Variants in ZNF536 observed in about 807,000 individuals in gnomAD.
ZNF536 encodes the protein zinc finger protein 536.
In ZNF536, 13 loss-of-function variants were observed where a neutral mutation model predicts 84.5. That is an observed-to-expected ratio of 0.15 (90% confidence interval 0.10 to 0.24). The LOEUF (loss-of-function observed/expected upper bound fraction) is 0.24, where lower values mean the gene tolerates loss of function less well. Ranked by LOEUF, ZNF536 falls within the 10% of genes least tolerant of loss-of-function variation. The pLI, the probability that ZNF536 is intolerant of heterozygous loss-of-function variation, is 1.00. For synonymous variants in ZNF536, 811 were observed against 742.5 expected, an observed-to-expected ratio of 1.09 and a Z score of -1.50; for missense variants, 1,536 against 1,747.5, an observed-to-expected ratio of 0.88 and a Z score of 2.16.
chr19:30,335,518 C>A (rs571146477), intron 2 of ZNF536, among the ~76,000 whole-genome samples: 1 of 152,148 alleles, frequency 6.6e-6, no homozygotes, highest in Admixed American at 6.5e-5. Context: ...GCACCAGACA[C>A]GTGTTCAGCA....
At chr19:30,246,923 C>T (rs1170978628) in intron 1 of ZNF536, among the ~76,000 whole-genome samples, 1 of 152,204 alleles carries the variant, frequency 6.6e-6, no homozygotes, top group African/African-American at 2.4e-5. Context: ...AAATTCTCAT[C>T]ATGAATGGGT....
chr19:30,554,730 T>C (rs994709646), intron 4 of ZNF536: 3 of 152,202 alleles, frequency 2.0e-5, no homozygotes, highest in Admixed American at 1.3e-4. Flanking sequence ...ATGATGGCTG[T>C]GGTTGCGTTC....
rs574267998 is a variant in ZNF536, at chr19:30,638,259, T to G, written c.170-72498T>G. ...ATCAGTCGTAAGGACTTTTAAGGTC[T>G]TAACATCTCACACTGCTGTGTTAGT... On this transcript the variant is annotated intron_variant, in intron 1 of 1. Coordinates refer to the ZNF536 transcript ENST00000592773. Among the ~76,000 whole-genome samples, 56 of 152,380 alleles carry G rather than the reference T, an allele frequency of 3.7e-4. No homozygotes were observed. The Middle Eastern group carries it at 0.02, about 56-fold the overall frequency.
chr19:30,602,503 G>A (rs2047725283), intron 1 of ZNF536, among the ~76,000 whole-genome samples: 1 of 152,198 alleles, frequency 6.6e-6, no homozygotes, highest in Non-Finnish European at 1.5e-5. Context: ...ATACCCAAAA[G>A]TCATAACTGG....
At chr19:30,343,592 T>TGACATC in intron 2 of ZNF536, among the ~76,000 whole-genome samples, 1 of 152,164 alleles carries the variant, frequency 6.6e-6, no homozygotes, top group Non-Finnish European at 1.5e-5. Context: ...GAGAACCCTA[T>TGACATC]GACATCCACG....
intron 3 of ZNF536, among the ~76,000 whole-genome samples, chr19:30,365,613 G>A (rs1052492685): frequency 2.0e-5 from 3 of 152,204 alleles, no homozygotes; most frequent in Non-Finnish European, 4.4e-5. Context: ...ACCAGGTCCC[G>A]TGTAGCAAGG....
chr19:30,349,770 C>T (rs1341352535), intron 2 of ZNF536, among the ~76,000 whole-genome samples: 1 of 152,004 alleles, frequency 6.6e-6, no homozygotes, highest in African/African-American at 2.4e-5. Flanking sequence ...GGGCAGCCAG[C>T]AGCATGGCCG....
chr19:30,646,735 A>G (rs1046180431), intron 1 of ZNF536, among the ~76,000 whole-genome samples: 9 of 152,134 alleles, frequency 5.9e-5, no homozygotes, highest in African/African-American at 1.9e-4. Context: ...ATCATATTTC[A>G]ATAAATCCTT....
At chr19:30,482,742 C>T (rs1377351108) in intron 2 of ZNF536, among the ~76,000 whole-genome samples, 1 of 152,204 alleles carries the variant, frequency 6.6e-6, no homozygotes, top group Non-Finnish European at 1.5e-5. Flanking sequence ...CCTCGCTTTC[C>T]AGCCAGCTCA....
chr19:30,366,362 C>CTCTGTCTA (rs2048429317), intron 3 of ZNF536, among the ~76,000 whole-genome samples: 1 of 146,464 alleles, frequency 6.8e-6, no homozygotes, highest in African/African-American at 2.6e-5. Flanking sequence ...CCTATCATAT[C>CTCTGTCTA]TCTATCTATC....
chr19:30,233,564 T>C (rs1235031654), intron 1 of ZNF536, among the ~76,000 whole-genome samples: 3 of 151,928 alleles, frequency 2.0e-5, no homozygotes, highest in African/African-American at 4.8e-5. Flanking sequence ...CCCAGGCTGG[T>C]TGCAAACCCC....
At chr19:30,235,049 G>A (rs2023382775) in intron 1 of ZNF536, among the ~76,000 whole-genome samples, 2 of 152,158 alleles carry the variant, frequency 1.3e-5, no homozygotes, top group African/African-American at 4.8e-5. Context: ...GGGGCTCTTC[G>A]GTGTAGGTAT....
chr19:30,298,054 A>G (rs2046065516), intron 2 of ZNF536, among the ~76,000 whole-genome samples: 1 of 151,862 alleles, frequency 6.6e-6, no homozygotes, highest in South Asian at 2.1e-4. Flanking sequence ...TAATTTTTGC[A>G]TTTTTGGTAG....
intron 1 of ZNF536, among the ~76,000 whole-genome samples, chr19:30,403,116 C>T (rs1261400547): frequency 6.6e-6 from 1 of 152,074 alleles, no homozygotes; most frequent in African/African-American, 2.4e-5. Context: ...ACGAGCTGCA[C>T]TTTGAGATGC....
chr19:30,583,237 T>C (rs1461988324), intron 1 of ZNF536, among the ~76,000 whole-genome samples: 2 of 152,144 alleles, frequency 1.3e-5, no homozygotes, highest in African/African-American at 4.8e-5. Context: ...CTAAGAAAAG[T>C]GTGGGAGTCA....
intron 1 of ZNF536, among the ~76,000 whole-genome samples, chr19:30,424,404 A>G (rs1348243684): frequency 6.6e-6 from 1 of 152,174 alleles, no homozygotes; most frequent in Non-Finnish European, 1.5e-5. Context: ...AAACCTGTGC[A>G]ACATCAAACA....
At chr19:30,664,240 CTCTCTCTCTCTCTCTCT>C (rs1230956454) in intron 1 of ZNF536, among the ~76,000 whole-genome samples, 2 of 150,280 alleles carry the variant, frequency 1.3e-5, no homozygotes, top group Non-Finnish European at 3.0e-5. Context: ...CTCTCTCTCT[CTCTCTCTCTCTCTCTCT>C]CTCTCCCTCT....
At position 30,443,822 on chromosome 19, in the gene ZNF536, A is replaced by G; in HGVS notation, c.260A>G (p.Gln87Arg). Reference sequence around the variant, plus strand: ...AGTCAGATGGCGCTCCTGGCCAACCAGCTGGGCCGGGAGGTGGACACCAGC... The same window carrying G: ...AGTCAGATGGCGCTCCTGGCCAACCGGCTGGGCCGGGAGGTGGACACCAGC... The part of the protein sequence containing the change: ...MGSQMALLAN[Q>R]LGREVDTSLN... The change falls in exon 2 of 5, where the codon CAG (glutamine) becomes CGG (arginine). Residue 87 changes from glutamine to arginine, a missense_variant. Coordinates refer to ENST00000355537, the MANE Select transcript of ZNF536 (RefSeq NM_014717.3). The G allele has an allele frequency of 6.2e-7, 1 of 1,613,212 alleles. No homozygotes were observed.
chr19:30,587,794 G>C (rs943460823), intron 1 of ZNF536, among the ~76,000 whole-genome samples: 3 of 152,248 alleles, frequency 2.0e-5, no homozygotes, highest in Non-Finnish European at 2.9e-5. Context: ...AGACGAGGGA[G>C]AAGCCCGGAG....
Sources: allele counts gnomAD v4.1 joint callset (sites outside exome capture counted in the v4.1 genomes callset), GRCh38; gene constraint gnomAD v4.1.1; transcripts MANE v1.5; gene names NCBI Gene and HGNC (gene_info 2026-07-23, HGNC 2026-07-21).